The following KMT2E variants were observed in gnomAD, a reference collection of about 807,000 sequenced individuals.
KMT2E encodes lysine methyltransferase 2E (inactive).
Under a neutral mutation model 184.6 loss-of-function variants are expected in KMT2E, and 30 were observed. The observed-to-expected ratio is 0.16, with a 90% CI of 0.12 to 0.22. The LOEUF (loss-of-function observed/expected upper bound fraction) is 0.22. KMT2E is among the 10% of genes least tolerant of loss of function. The pLI is 1.00. For missense variants in KMT2E, 2,023 were observed against 2,237.4 expected (o/e 0.90, Z 1.93); for synonymous variants, 815 against 776.5 (o/e 1.05, Z -0.82).
chr7:105,085,320 G>A (rs980010950), intron 13 of KMT2E, among the ~76,000 whole-genome samples: 4 of 152,140 alleles, frequency 2.6e-5, no homozygotes, highest in Admixed American at 1.3e-4. Context: ...AGGCTGAGGC[G>A]GGTGGATCAC....
intron 22 of KMT2E, 105 bp downstream of exon 22, chr7:105,108,030 A>G (rs1798991321): frequency 3.3e-6 from 2 of 603,158 alleles, no homozygotes; most frequent in Non-Finnish European, 4.8e-6. Context: ...TTCTTAATTT[A>G]GTTATTAAAG....
chr7:105,062,407 C>G (rs903482608), intron 4 of KMT2E, 129 bp downstream of exon 4: 9 of 538,636 alleles, frequency 1.7e-5, no homozygotes, highest in Non-Finnish European at 2.2e-5. Flanking sequence ...AATAATTAGG[C>G]GTTTAATTTT....
At chr7:105,016,081 A>T (rs962830341) in intron 1 of KMT2E, among the ~76,000 whole-genome samples, 2 of 152,248 alleles carry the variant, frequency 1.3e-5, no homozygotes, top group Non-Finnish European at 2.9e-5. Flanking sequence ...TATAAGTATC[A>T]TCTATTTTAT....
At chr7:105,056,430 A>G (rs1796572424) in intron 3 of KMT2E, among the ~76,000 whole-genome samples, 1 of 152,186 alleles carries the variant, frequency 6.6e-6, no homozygotes. Flanking sequence ...ACATGAATAA[A>G]CACTATTCCT....
chr7:105,076,772 T>A (rs949181152), intron 9 of KMT2E, among the ~76,000 whole-genome samples, 191 bp from the exon 10 acceptor site: 1 of 152,168 alleles, frequency 6.6e-6, no homozygotes, highest in African/African-American at 2.4e-5. Flanking sequence ...GTGTATCTTT[T>A]GTCCCTGTGG....
At chr7:105,103,594 C>T (rs6967587) in intron 17 of KMT2E, 44,025 of 151,984 alleles carry the variant, frequency 0.29, 6,982 homozygotes, top group Non-Finnish European at 0.36. Flanking sequence ...AGCCAGGATT[C>T]ACCCTCCTGG....
chr7:105,105,924 T>C lies in KMT2E; in HGVS notation c.2517T>C (p.Cys839=), dbSNP rs771271178. ...SAILHRFNSP[C]QERSRSPAVN... ...TTTTACATAGATTTAATTCACCCTG[T>C]CAAGAAAGATCCAGAAGTCCTGCAG... The change falls in exon 19 of 27, where the codon TGT becomes TGC. Residue 839 remains cysteine (C), a synonymous_variant. Coordinates refer to ENST00000311117, the MANE Select transcript of KMT2E (RefSeq NM_182931.3). 1.9e-6 allele frequency: 3 copies of C among 1,613,770 alleles called. No homozygotes were observed. The highest frequency in any genetic ancestry group is 1.1e-5 in the South Asian group (1 of 91,042).
At chr7:105,106,842 C>A in intron 20 of KMT2E, 70 bp downstream of exon 20, 1 of 1,464,962 alleles carries the variant, frequency 6.8e-7, no homozygotes, top group Non-Finnish European at 9.4e-7. Context: ...AGAGCTCTTT[C>A]CCCTCCTTTA....
intron 11 of KMT2E, among the ~76,000 whole-genome samples, chr7:105,078,637 C>A (rs1797628227): frequency 7.0e-6 from 1 of 141,886 alleles, no homozygotes; most frequent in African/African-American, 2.6e-5. Context: ...GGACTACAGG[C>A]ACATGCTACC....
intron 3 of KMT2E, among the ~76,000 whole-genome samples, chr7:105,056,653 A>C (rs1345923271): frequency 6.6e-6 from 1 of 152,232 alleles, no homozygotes; most frequent in Non-Finnish European, 1.5e-5. Flanking sequence ...TGTACATAGA[A>C]CCACTCTATT....
chr7:105,057,264 A>T lies in KMT2E; in HGVS notation c.72-4900A>T, dbSNP rs146147615. 3.0e-3 allele frequency among the ~76,000 whole-genome samples: 453 copies of T among 152,300 alleles called. 15 individuals are homozygous for T. In the East Asian group the frequency reaches 0.062, roughly 21 times the overall value. Reference sequence around the variant, plus strand: ...TCTTGCTGGCACCCAGTGTATAGAGATTCTAAATGTAAGATAAAAATGCTT... The same window carrying T: ...TCTTGCTGGCACCCAGTGTATAGAGTTTCTAAATGTAAGATAAAAATGCTT... On this transcript the variant is annotated intron_variant, in intron 3 of 26. Transcript: ENST00000311117.
chr7:105,065,782 A>AT (rs915950440), intron 5 of KMT2E, among the ~76,000 whole-genome samples: 10 of 152,068 alleles, frequency 6.6e-5, no homozygotes, highest in African/African-American at 2.4e-4. Context: ...AAAGCAAACC[A>AT]TGGATAAGGG....
intron 5 of KMT2E, among the ~76,000 whole-genome samples, chr7:105,066,119 T>C (rs1171729063): frequency 1.3e-5 from 2 of 152,010 alleles, no homozygotes; most frequent in Non-Finnish European, 2.9e-5. Context: ...GTTTCTTCTT[T>C]GAATTAATAC....
intron 1 of KMT2E, among the ~76,000 whole-genome samples, chr7:105,022,069 A>T (rs1454188664): frequency 1.3e-5 from 2 of 152,126 alleles, no homozygotes; most frequent in Non-Finnish European, 2.9e-5. Context: ...TGCCAGTAGT[A>T]CTAGCCCCCT....
chr7:105,063,994 ACTCT>A (rs777714530), intron 5 of KMT2E: 1 of 453,908 alleles, frequency 2.2e-6, no homozygotes, highest in Admixed American at 2.4e-5. Context: ...GTTTGACCTG[ACTCT>A]CTCACCTCCT....
Position 105,112,640 on chromosome 7 carries a change from T to A in KMT2E, c.4884T>A (p.Pro1628=). The A allele has an allele frequency of 6.2e-7, 1 of 1,613,032 alleles. No homozygotes were observed. The highest frequency in any genetic ancestry group is 8.5e-7 in the Non-Finnish European group (1 of 1,179,764). The change falls in exon 27 of 27, where the codon CCT becomes CCA. Residue 1628 remains proline (P), a synonymous_variant. Coordinates refer to ENST00000311117, the MANE Select transcript of KMT2E (RefSeq NM_182931.3). ...HHQTAAAVVP[P]PPPPPPAPGP... ...AAACTGCTGCTGCCGTAGTCCCCCCTCCTCCTCCACCACCACCTGCTCCAG... is the reference window on the plus strand; with the variant it reads ...AAACTGCTGCTGCCGTAGTCCCCCCACCTCCTCCACCACCACCTGCTCCAG...
intron 1 of KMT2E, among the ~76,000 whole-genome samples, chr7:105,034,324 C>G (rs1407769163): frequency 6.6e-6 from 1 of 152,124 alleles, no homozygotes; most frequent in Non-Finnish European, 1.5e-5. Context: ...TCTCAAACTC[C>G]TAGGCTCAGA....
intron 15 of KMT2E, among the ~76,000 whole-genome samples, chr7:105,098,234 A>AT (rs34674654): frequency 0.034 from 4,682 of 136,932 alleles, 146 homozygotes; most frequent in African/African-American, 0.074. Context: ...TCCTTTTCCT[A>AT]TTTTTTTTTT....
rs1209154975 is a variant in KMT2E, at chr7:105,090,058, G to A, written c.1408G>A (p.Val470Ile). The part of the protein sequence containing the change: ...ACLKENPECP[V>I]LKRSSESMEN... Reference sequence around the variant, plus strand: ...CCTCAAAGAAAACCCAGAGTGCCCTGTTCTAAAACGTAGTTCTGAATCCAT... The same window carrying A: ...CCTCAAAGAAAACCCAGAGTGCCCTATTCTAAAACGTAGTTCTGAATCCAT... Residue 470 changes from valine (V) to isoleucine (I), a missense_variant, in exon 14 of 27, where the codon GTT becomes ATT. Around this residue, in one of 8 missense-constraint regions of KMT2E, gnomAD observed 514 missense variants for 621.8 expected, o/e 0.83. Coordinates refer to ENST00000311117, the MANE Select transcript of KMT2E (RefSeq NM_182931.3). The A allele has an allele frequency of 6.2e-7, 1 of 1,613,738 alleles. No individual in the cohort carries two copies. Among genetic ancestry groups the A allele is most frequent in the East Asian group, 2.2e-5 (1 of 44,826 alleles).
Sources: allele counts gnomAD v4.1 joint callset (sites outside exome capture counted in the v4.1 genomes callset), GRCh38; gene constraint gnomAD v4.1.1; regional missense constraint gnomAD v4.1.1; transcripts MANE v1.5; gene names NCBI Gene and HGNC (gene_info 2026-07-23, HGNC 2026-07-21).